The following BCAS2 variants were observed in gnomAD, a reference collection of about 807,000 sequenced individuals.
BCAS2 encodes the protein BCAS2 pre-mRNA processing factor.
In BCAS2, 34 loss-of-function variants were observed where a neutral mutation model predicts 35.3. The observed-to-expected ratio is 0.96, with a 90% CI of 0.73 to 1.28. The LOEUF (loss-of-function observed/expected upper bound fraction) is 1.28, where lower values mean the gene tolerates loss of function less well. Ranked by LOEUF, BCAS2 falls within the 50% of genes most tolerant of loss-of-function variation. The pLI is 0.00. For synonymous variants in BCAS2, 75 were observed against 91.6 expected (o/e 0.82, Z 1.03); for missense variants, 221 against 268.1 (o/e 0.82, Z 1.23).
At position 114,575,760 on chromosome 1, in the gene BCAS2, AAAC is replaced by A. The variant is rs758128320; in HGVS notation, c.258-12_258-10del. 13 of 1,609,860 alleles carry A rather than the reference AAAC, an allele frequency of 8.1e-6. No homozygotes were observed. The highest frequency in any genetic ancestry group is 6.8e-6 in the Non-Finnish European group (8 of 1,179,056). ...GGGCTGGAAGCTCATATCTGAAATT[AAAC>A]AACAAAATAAAATAAAACCATCTAT... On this transcript the variant is annotated splice_polypyrimidine_tract_variant and intron_variant, in intron 3 of 6. Transcript: ENST00000369541.
Position 114,575,635 on chromosome 1 carries a change from T to G in BCAS2, c.374A>C (p.Glu125Ala), listed in dbSNP as rs996034781. 2 of 1,612,134 alleles carry G rather than the reference T, an allele frequency of 1.2e-6. No individual in the cohort carries two copies. Among genetic ancestry groups the G allele is most frequent in the Admixed American group, 1.7e-5 (1 of 59,906 alleles). The change falls in exon 4 of 7, where the codon GAA (glutamate) becomes GCA (alanine). Residue 125 changes from glutamate to alanine, a missense_variant. Glu to Ala is a moderately radical substitution (Grantham distance 107). Coordinates refer to ENST00000369541, the MANE Select transcript of BCAS2 (RefSeq NM_005872.3). ...ATTACATCCATGCTGTGACATTAGT[T>G]CCAGATTCTCAATTCTAACTGCTTG... Reference protein sequence around the residue: ...EHQAVRIENLELMSQHGCNAW... With the variant: ...EHQAVRIENLALMSQHGCNAW...
At chr1:114,573,522 G>T (rs778639467) in intron 4 of BCAS2, among the ~76,000 whole-genome samples, 1 of 152,002 alleles carries the variant, frequency 6.6e-6, no homozygotes, top group African/African-American at 2.4e-5. Flanking sequence ...CGTGAACCAC[G>T]CCTGGCAATG....
rs554103087 is a variant in BCAS2 at position 114,575,825 on chromosome 1, C to T, written c.258-74G>A. 1.3e-3 allele frequency: 1,979 copies of T among 1,493,716 alleles called. 3 individuals carry two copies. Among genetic ancestry groups the T allele is most frequent in the Middle Eastern group, 3.5e-3 (17 of 4,870 alleles). The allele number at this position is 1,493,716 out of a possible 1,614,324, so 92.5% of individuals were successfully genotyped here. ...TTTACATCTCTTCTCAGTAGAATGTCCCATGAGTCTCCATATAGTATAAAA... is the reference window on the plus strand; with the variant it reads ...TTTACATCTCTTCTCAGTAGAATGTTCCATGAGTCTCCATATAGTATAAAA... On this transcript the variant is annotated intron_variant, in intron 3 of 6. Transcript: ENST00000369541.
At chr1:114,577,119 AG>A (rs972174476) in intron 2 of BCAS2, among the ~76,000 whole-genome samples, 1 of 152,206 alleles carries the variant, frequency 6.6e-6, no homozygotes, top group African/African-American at 2.4e-5. Flanking sequence ...TAGTATTAAG[AG>A]GTGGGGTCTT....
At chr1:114,571,004 T>C (rs931593899) in intron 4 of BCAS2, among the ~76,000 whole-genome samples, 4 of 151,742 alleles carry the variant, frequency 2.6e-5, no homozygotes, top group African/African-American at 9.7e-5. Context: ...TCCTCCCACC[T>C]TGGCCTCCCA....
intron 2 of BCAS2, among the ~76,000 whole-genome samples, chr1:114,580,429 G>A (rs1239841967): frequency 6.6e-6 from 1 of 152,190 alleles, no homozygotes; most frequent in African/African-American, 2.4e-5. Flanking sequence ...TACTCAATGT[G>A]TGGAGTAGAA....
At chr1:114,579,859 C>T (rs1397617778) in intron 2 of BCAS2, among the ~76,000 whole-genome samples, 1 of 152,154 alleles carries the variant, frequency 6.6e-6, no homozygotes, top group Non-Finnish European at 1.5e-5. Flanking sequence ...TAATGAGACT[C>T]CGTCTCAAAC....
chr1:114,574,123 T>A (rs1654705720), intron 4 of BCAS2, among the ~76,000 whole-genome samples: 2 of 152,220 alleles, frequency 1.3e-5, no homozygotes, highest in African/African-American at 4.8e-5. Flanking sequence ...AAGCTAGAGC[T>A]AGTTACATGG....
rs1052963187 is a variant in BCAS2, at chr1:114,574,325, T to C, written c.419+1265A>G. 5.3e-5 allele frequency among the ~76,000 whole-genome samples: 8 copies of C among 152,352 alleles called. No individual in the cohort carries two copies. The East Asian group carries it at 1.5e-3, about 29-fold the overall frequency. On this transcript the variant is annotated intron_variant, in intron 4 of 6. Transcript: ENST00000369541. Reference sequence around the variant, plus strand: ...AAGGAGGTGCTTTGCCTTCTTGTTTTAGCTCTCATACAGAAATAACCAGAG... The same window carrying C: ...AAGGAGGTGCTTTGCCTTCTTGTTTCAGCTCTCATACAGAAATAACCAGAG...
chr1:114,574,063 C>T (rs1463378534), intron 4 of BCAS2, among the ~76,000 whole-genome samples: 6 of 152,068 alleles, frequency 3.9e-5, no homozygotes, highest in Admixed American at 6.6e-5. Context: ...AATCTAACCA[C>T]GGAATTTTGC....
chr1:114,568,752 ATTCTTTTTTTTT>A (rs1389508811), intron 6 of BCAS2, among the ~76,000 whole-genome samples: 1 of 122,082 alleles, frequency 8.2e-6, no homozygotes, highest in East Asian at 2.5e-4. Flanking sequence ...ATCTCTCTGT[ATTCTTTTTTTTT>A]TTTTTTTTTT....
chr1:114,578,898 G>A (rs1654827248), intron 2 of BCAS2, among the ~76,000 whole-genome samples: 1 of 152,124 alleles, frequency 6.6e-6, no homozygotes, highest in Non-Finnish European at 1.5e-5. Context: ...TAAAAAATGG[G>A]GATAGCAAAC....
At chr1:114,574,440 T>C (rs1270121179) in intron 4 of BCAS2, among the ~76,000 whole-genome samples, 4 of 152,240 alleles carry the variant, frequency 2.6e-5, no homozygotes, top group Non-Finnish European at 5.9e-5. Context: ...TTCTCTTTTA[T>C]AAAATAAAGA....
chr1:114,567,622 C>A lies in BCAS2; in HGVS notation c.*508G>T, dbSNP rs372371658. 193 of 152,654 alleles carry A rather than the reference C, an allele frequency of 1.3e-3. 1 individual carries two copies. Among genetic ancestry groups the A allele is most frequent in the African/African-American group, 4.3e-3 (177 of 41,554 alleles). 9.5% of individuals were successfully genotyped at this position (152,654 alleles called of 1,614,324 possible). ...GTTCATCTACCTAAAGTGTTCAGAA[C>A]AATGTTCAGCACATATTAAGCTTGA... is the stretch of plus-strand genomic sequence containing the variant. On this transcript the variant is annotated 3_prime_UTR_variant, in exon 7 of 7. Coordinates refer to ENST00000369541, the MANE Select transcript of BCAS2 (RefSeq NM_005872.3).
intron 6 of BCAS2, among the ~76,000 whole-genome samples, chr1:114,568,755 C>CTTTTTTT (rs67319421): frequency 2.9e-4 from 24 of 83,200 alleles, no homozygotes; most frequent in Admixed American, 4.3e-4. Context: ...TCTCTGTATT[C>CTTTTTTT]TTTTTTTTTT....
intron 4 of BCAS2, among the ~76,000 whole-genome samples, chr1:114,574,554 G>A (rs115371072): frequency 7.0e-4 from 107 of 152,304 alleles, no homozygotes; most frequent in African/African-American, 2.5e-3. Context: ...TAGGAGAAAT[G>A]GTACAGTATT....
intron 2 of BCAS2, 58 bp from the exon 3 acceptor site, chr1:114,576,816 A>T: frequency 7.5e-7 from 1 of 1,330,050 alleles, no homozygotes; most frequent in Non-Finnish European, 1.1e-6. Context: ...AAAAATTAAC[A>T]ATCACCAAAG....
chr1:114,579,425 A>G (rs1654836879), intron 2 of BCAS2, among the ~76,000 whole-genome samples: 1 of 152,272 alleles, frequency 6.6e-6, no homozygotes, highest in Non-Finnish European at 1.5e-5. Context: ...CTGTGATTGA[A>G]TGCAGTTATC....
At chr1:114,580,559 CTT>C (rs1443284814) in intron 2 of BCAS2, among the ~76,000 whole-genome samples, 1 of 152,234 alleles carries the variant, frequency 6.6e-6, no homozygotes. Flanking sequence ...CTATTGTAAA[CTT>C]TTTGTTTTAT....
Sources: gnomAD v4.1 joint callset for allele counts (sites outside exome capture counted in the v4.1 genomes callset) on GRCh38, gnomAD v4.1.1 for gene constraint, MANE v1.5 for transcripts, NCBI Gene and HGNC (gene_info 2026-07-23, HGNC 2026-07-21) for gene names.